The following PRR16 variants were observed in gnomAD, a reference collection of about 807,000 sequenced individuals.
PRR16 encodes the protein proline rich 16, also known as protein Largen.
PRR16 carries 6 observed loss-of-function variants against 18.2 expected under a neutral mutation model. The observed-to-expected ratio is 0.33, with a 90% CI of 0.18 to 0.65. PRR16 has a LOEUF of 0.65. Ranked by LOEUF, PRR16 falls within the 30% of genes least tolerant of loss-of-function variation. PRR16 has a pLI of 0.74. For synonymous variants in PRR16, 151 were observed against 147.8 expected (o/e 1.02, Z -0.16); for missense variants, 412 against 376.6 (o/e 1.09, Z -0.78).
At chr5:120,676,850 G>A (rs931471148) in intron 1 of PRR16, among the ~76,000 whole-genome samples, 3 of 152,108 alleles carry the variant, frequency 2.0e-5, no homozygotes, top group East Asian at 1.9e-4. Context: ...TCCCCTGAGC[G>A]ACTTTTTCAT....
At chr5:120,721,110 G>A in the PRR16 span, among the ~76,000 whole-genome samples, 1 of 151,924 alleles carries the variant, frequency 6.6e-6, no homozygotes, top group African/African-American at 2.4e-5. Flanking sequence ...ATAAATAGTT[G>A]TTCAATAAAA....
chr5:120,497,543 C>A (rs1039092566), intron 1 of PRR16, among the ~76,000 whole-genome samples: 16 of 151,670 alleles, frequency 1.1e-4, no homozygotes, highest in African/African-American at 1.2e-4. Flanking sequence ...GTGCACACCA[C>A]CACACCCAGC....
chr5:120,545,211 C>A (rs1480299252), intron 1 of PRR16, among the ~76,000 whole-genome samples: 1 of 152,014 alleles, frequency 6.6e-6, no homozygotes, highest in Non-Finnish European at 1.5e-5. Context: ...GAGCTGTGTC[C>A]ATAAGCATCC....
At chr5:120,677,413 C>G (rs762796959) in intron 1 of PRR16, among the ~76,000 whole-genome samples, 1 of 152,148 alleles carries the variant, frequency 6.6e-6, no homozygotes, top group Admixed American at 6.5e-5. Context: ...TACCGACCAG[C>G]ATTTGGACTC....
intron 1 of PRR16, among the ~76,000 whole-genome samples, chr5:120,599,914 T>C (rs1753929831): frequency 7.2e-5 from 11 of 151,886 alleles, no homozygotes; most frequent in Admixed American, 7.2e-4. Flanking sequence ...CACAGGACCA[T>C]ATAAAATTCA....
At chr5:120,663,492 C>A (rs751998397) in intron 1 of PRR16, among the ~76,000 whole-genome samples, 1 of 152,242 alleles carries the variant, frequency 6.6e-6, no homozygotes, top group Admixed American at 6.5e-5. Context: ...TTCCACTTTT[C>A]TTCTGTGCAC....
intron 1 of PRR16, among the ~76,000 whole-genome samples, chr5:120,685,214 A>G (rs1441958366): frequency 1.3e-5 from 2 of 152,180 alleles, no homozygotes; most frequent in Non-Finnish European, 2.9e-5. Flanking sequence ...TGTGCCCACC[A>G]GGGGCTCTCT....
intron 1 of PRR16, among the ~76,000 whole-genome samples, chr5:120,669,779 A>T (rs528459907): frequency 4.1e-3 from 630 of 152,218 alleles, no homozygotes; most frequent in Non-Finnish European, 7.4e-3. Flanking sequence ...GTGTTTCTAG[A>T]TTTTACATTC....
At chr5:120,667,327 T>C (rs924932807) in intron 1 of PRR16, among the ~76,000 whole-genome samples, 10 of 140,644 alleles carry the variant, frequency 7.1e-5, no homozygotes, top group Non-Finnish European at 1.4e-4. Context: ...TTATTGTGTC[T>C]ATTTGATTCT....
chr5:120,618,558 C>T (rs1754586960), intron 1 of PRR16: 1 of 943,988 alleles, frequency 1.1e-6, no homozygotes, highest in Admixed American at 6.2e-5. Flanking sequence ...TCAAATTCTA[C>T]TTCAGAGGTA....
chr5:120,754,420 T>TTATATATTATATA, the PRR16 span, among the ~76,000 whole-genome samples: 1 of 94,774 alleles, frequency 1.1e-5, no homozygotes, highest in Non-Finnish European at 1.9e-5. Flanking sequence ...ATACTATATA[T>TTATATATTATATA]TATATAATAT....
chr5:120,571,059 A>G (rs1380508920), intron 1 of PRR16, among the ~76,000 whole-genome samples: 1 of 152,154 alleles, frequency 6.6e-6, no homozygotes, highest in African/African-American at 2.4e-5. Context: ...GTCTTCTCTT[A>G]GAAGACGGCA....
chr5:120,638,659 T>G (rs184735299), intron 1 of PRR16, among the ~76,000 whole-genome samples: 1 of 152,286 alleles, frequency 6.6e-6, no homozygotes, highest in African/African-American at 2.4e-5. Flanking sequence ...GCTACAGCTC[T>G]GCACTTTCTC....
At chr5:120,517,058 T>C (rs1751020114) in intron 1 of PRR16, among the ~76,000 whole-genome samples, 1 of 152,162 alleles carries the variant, frequency 6.6e-6, no homozygotes, top group African/African-American at 2.4e-5. Context: ...GGGATTTCCC[T>C]GAGTCAGAGT....
intron 1 of PRR16, among the ~76,000 whole-genome samples, chr5:120,530,257 AT>A (rs1303055985): frequency 6.2e-5 from 2 of 32,036 alleles, no homozygotes; most frequent in Non-Finnish European, 2.3e-4. Context: ...GTGTGTAAAT[AT>A]ATATATATAT....
At chr5:120,527,946 G>A (rs953788886) in intron 1 of PRR16, among the ~76,000 whole-genome samples, 3 of 152,198 alleles carry the variant, frequency 2.0e-5, no homozygotes, top group Admixed American at 1.3e-4. Flanking sequence ...ATGAAGAGGT[G>A]AAGGGAAATC....
chr5:120,532,673 G>A (rs750897928), intron 1 of PRR16, among the ~76,000 whole-genome samples: 15 of 151,858 alleles, frequency 9.9e-5, no homozygotes, highest in Non-Finnish European at 1.6e-4. Flanking sequence ...GAAATATTCA[G>A]TTTTCTCTTT....
intron 1 of PRR16, among the ~76,000 whole-genome samples, chr5:120,648,544 T>G (rs1755672126): frequency 6.6e-6 from 1 of 152,166 alleles, no homozygotes; most frequent in Non-Finnish European, 1.5e-5. Context: ...TTTTCTATTT[T>G]TCTTTCAAGA....
chr5:120,665,773 T>C (rs1756352474), intron 1 of PRR16, among the ~76,000 whole-genome samples: 1 of 152,178 alleles, frequency 6.6e-6, no homozygotes, highest in Non-Finnish European at 1.5e-5. Flanking sequence ...GTTGTAGATA[T>C]GTGGCATTAT....
Sources: allele counts gnomAD v4.1 joint callset (sites outside exome capture counted in the v4.1 genomes callset), GRCh38; gene constraint gnomAD v4.1.1; transcripts MANE v1.5; gene names NCBI Gene and HGNC (gene_info 2026-07-23, HGNC 2026-07-21).